The following GALNT13 variants were observed in gnomAD, a reference collection of about 807,000 sequenced individuals.
The protein encoded by GALNT13 is polypeptide N-acetylgalactosaminyltransferase 13.
GALNT13 carries 28 observed loss-of-function variants against 64.2 expected under a neutral mutation model. That is an observed-to-expected ratio of 0.44 (90% CI 0.32 to 0.60). GALNT13 has a LOEUF of 0.60. GALNT13 is among the 20% of genes least tolerant of loss of function. The pLI is 0.05. For synonymous variants in GALNT13, 214 were observed against 224.6 expected, an observed-to-expected ratio of 0.95 and a Z score of 0.42; for missense variants, 577 against 669.8, an observed-to-expected ratio of 0.86 and a Z score of 1.53.
At chr2:153,130,749 A>C in the GALNT13 span, among the ~76,000 whole-genome samples, 4 of 152,148 alleles carry the variant, frequency 2.6e-5, no homozygotes, top group African/African-American at 9.6e-5. Flanking sequence ...GAGCAGAAGA[A>C]TCTTGATTAG....
intron 3 of GALNT13, among the ~76,000 whole-genome samples, chr2:154,098,090 C>CTTTTTT (rs10673538): frequency 1.5e-5 from 2 of 134,722 alleles, no homozygotes; most frequent in Admixed American, 7.5e-5. Context: ...GCTTGTCTTT[C>CTTTTTT]TTTTTTTTTT....
chr2:153,534,672 GT>G, the GALNT13 span, among the ~76,000 whole-genome samples: 2 of 151,808 alleles, frequency 1.3e-5, no homozygotes, highest in Non-Finnish European at 2.9e-5. Context: ...GTCAAAGGGG[GT>G]TTGTTCTCTG....
chr2:154,410,588 T>G (rs937922030), intron 11 of GALNT13, among the ~76,000 whole-genome samples: 1 of 151,856 alleles, frequency 6.6e-6, no homozygotes, highest in Non-Finnish European at 1.5e-5. Flanking sequence ...GTATCTCTCT[T>G]TAGGTAAAAA....
At chr2:153,566,346 ACG>A in the GALNT13 span, among the ~76,000 whole-genome samples, 1 of 51,590 alleles carries the variant, frequency 1.9e-5, no homozygotes, top group African/African-American at 9.3e-5. Flanking sequence ...TCTTCTAATC[ACG>A]TTTTTTTTTT....
chr2:153,169,750 T>C, the GALNT13 span, among the ~76,000 whole-genome samples: 1 of 152,100 alleles, frequency 6.6e-6, no homozygotes, highest in Non-Finnish European at 1.5e-5. Flanking sequence ...AAACCTGCAG[T>C]GCATTATTTT....
At chr2:153,997,293 A>G (rs1424533125) in intron 3 of GALNT13, among the ~76,000 whole-genome samples, 2 of 152,162 alleles carry the variant, frequency 1.3e-5, no homozygotes, top group African/African-American at 4.8e-5. Context: ...TAAGTCTTCC[A>G]ATCTATAAAT....
At chr2:153,689,576 A>C in the GALNT13 span, among the ~76,000 whole-genome samples, 1 of 152,076 alleles carries the variant, frequency 6.6e-6, no homozygotes. Context: ...TCAAATTTAA[A>C]TCTATAACAC....
At chr2:154,148,645 G>A (rs1195741418) in intron 4 of GALNT13, among the ~76,000 whole-genome samples, 1 of 152,086 alleles carries the variant, frequency 6.6e-6, no homozygotes, top group Non-Finnish European at 1.5e-5. Flanking sequence ...GTATCTCATT[G>A]TGGTTTTGAT....
the GALNT13 span, among the ~76,000 whole-genome samples, chr2:153,626,999 C>T: frequency 6.6e-6 from 1 of 152,016 alleles, no homozygotes; most frequent in African/African-American, 2.4e-5. Flanking sequence ...AGGAAATTTG[C>T]TGGGAACTTC....
chr2:154,011,027 CTTAT>C (rs768810071), intron 3 of GALNT13, among the ~76,000 whole-genome samples: 72 of 151,742 alleles, frequency 4.7e-4, no homozygotes, highest in Admixed American at 1.7e-3. Context: ...GTCTAGCAAT[CTTAT>C]TTATTCCACA....
At chr2:153,656,731 T>C in the GALNT13 span, among the ~76,000 whole-genome samples, 1 of 152,020 alleles carries the variant, frequency 6.6e-6, no homozygotes, top group Admixed American at 6.6e-5. Flanking sequence ...TCTATCATGA[T>C]GGAGAGTGTT....
chr2:153,414,814 T>G, the GALNT13 span, among the ~76,000 whole-genome samples: 1 of 152,206 alleles, frequency 6.6e-6, no homozygotes, highest in Non-Finnish European at 1.5e-5. Context: ...TGTCTCTGTT[T>G]GTACCATTGA....
chr2:153,871,303 T>TA (rs925717337), upstream of GALNT13, among the ~76,000 whole-genome samples: 4 of 152,170 alleles, frequency 2.6e-5, no homozygotes, highest in African/African-American at 9.7e-5. Flanking sequence ...CCAGTACTCT[T>TA]ACAGTGCGTT....
chr2:153,088,235 A>G, the GALNT13 span, among the ~76,000 whole-genome samples: 1 of 151,744 alleles, frequency 6.6e-6, no homozygotes, highest in Admixed American at 6.5e-5. Context: ...AGATCATTCA[A>G]GAGCAGATTA....
At chr2:153,433,519 T>A in the GALNT13 span, among the ~76,000 whole-genome samples, 1 of 152,186 alleles carries the variant, frequency 6.6e-6, no homozygotes, top group Non-Finnish European at 1.5e-5. Flanking sequence ...AATGCTTGTT[T>A]TTTCAAATAA....
chr2:154,079,525 A>C (rs1701162641), intron 3 of GALNT13, among the ~76,000 whole-genome samples: 1 of 151,688 alleles, frequency 6.6e-6, no homozygotes, highest in Non-Finnish European at 1.5e-5. Flanking sequence ...GGAAGAGACC[A>C]CACAGGCACC....
the GALNT13 span, among the ~76,000 whole-genome samples, chr2:153,647,557 T>C: frequency 6.6e-6 from 1 of 152,212 alleles, no homozygotes; most frequent in Admixed American, 6.5e-5. Flanking sequence ...ATGTCCTGAA[T>C]GGTAATGACT....
chr2:153,432,770 TGTTTTATTGAA>T, the GALNT13 span, among the ~76,000 whole-genome samples: 1 of 152,104 alleles, frequency 6.6e-6, no homozygotes, highest in African/African-American at 2.4e-5. Context: ...TCATTTTAGT[TGTTTTATTGAA>T]GATTTAATCA....
At chr2:153,411,592 T>G in the GALNT13 span, among the ~76,000 whole-genome samples, 21 of 152,270 alleles carry the variant, frequency 1.4e-4, no homozygotes, top group East Asian at 3.5e-3. Context: ...TAAAGTTCAC[T>G]GGGGTAGTAG....
Sources: allele counts gnomAD v4.1 joint callset (sites outside exome capture counted in the v4.1 genomes callset), GRCh38; gene constraint gnomAD v4.1.1; transcripts MANE v1.5; gene names NCBI Gene and HGNC (gene_info 2026-07-23, HGNC 2026-07-21).